The following AGPAT3 variants were observed in gnomAD, a reference collection of about 807,000 sequenced individuals.
AGPAT3 encodes the protein 1-acyl-sn-glycerol-3-phosphate acyltransferase gamma.
Under a neutral mutation model 47.3 loss-of-function variants are expected in AGPAT3, and 5 were observed. The ratio of observed to expected loss-of-function variants is 0.11; its 90% CI spans 0.06 to 0.22. The LOEUF is 0.22. Ranked by LOEUF, AGPAT3 falls within the 10% of genes least tolerant of loss-of-function variation. The pLI is 1.00. For missense variants in AGPAT3, 315 were observed against 493.0 expected (o/e 0.64, Z 3.42); for synonymous variants, 212 against 208.3 (o/e 1.02, Z -0.15).
chr21:43,910,174 G>A (rs998914538), intron 2 of AGPAT3, among the ~76,000 whole-genome samples: 6 of 152,212 alleles, frequency 3.9e-5, no homozygotes, highest in Admixed American at 3.9e-4. Context: ...GGATGGAGAC[G>A]GCCTCCCTCT....
chr21:43,940,614 T>C (rs2087620480), intron 2 of AGPAT3, among the ~76,000 whole-genome samples: 1 of 152,244 alleles, frequency 6.6e-6, no homozygotes, highest in Admixed American at 6.5e-5. Context: ...TGTTTGTAGA[T>C]GCCTGGCATG....
chr21:43,895,173 C>T (rs1188238978), intron 1 of AGPAT3, among the ~76,000 whole-genome samples: 18 of 150,232 alleles, frequency 1.2e-4, no homozygotes, highest in African/African-American at 3.7e-4. Flanking sequence ...GGTGCGATCT[C>T]GGCTCACTGC....
rs754990800 is a variant in AGPAT3, at chr21:43,922,385, G to A, written c.-49+18366G>A. On this transcript the variant is annotated intron_variant, in intron 2 of 9. Transcript: ENST00000291572. This position sits in a 1 kb window ranked among gnomAD's most constrained non-coding sequence, Gnocchi z 4.9. ...CAGGACGCTGGGCCGAGCCAGGCAG[G>A]GACCTGCTTCAGTCCTCGAAGGAGG... 5.9e-5 allele frequency among the ~76,000 whole-genome samples: 9 copies of A among 152,180 alleles called. No homozygotes were observed. Among genetic ancestry groups the A allele is most frequent in the Non-Finnish European group, 1.2e-4 (8 of 68,034 alleles).
At chr21:43,957,692 G>A (rs1255783262) in intron 2 of AGPAT3, among the ~76,000 whole-genome samples, 1 of 147,312 alleles carries the variant, frequency 6.8e-6, no homozygotes, top group African/African-American at 2.5e-5. Context: ...CCACAGGGGG[G>A]TCTCGGGTTT....
chr21:43,979,230 G>A (rs1339798614), intron 8 of AGPAT3, among the ~76,000 whole-genome samples: 1 of 151,162 alleles, frequency 6.6e-6, no homozygotes, highest in Non-Finnish European at 1.5e-5. Flanking sequence ...AACCCAGGAG[G>A]TGGGGGTTGC....
chr21:43,893,107 A>G (rs1247484270), intron 1 of AGPAT3, among the ~76,000 whole-genome samples: 1 of 152,192 alleles, frequency 6.6e-6, no homozygotes, highest in Non-Finnish European at 1.5e-5. Flanking sequence ...AAAGAAAAAG[A>G]AAATCTATTG....
At chr21:43,910,239 G>T (rs916756687) in intron 2 of AGPAT3, among the ~76,000 whole-genome samples, 1 of 152,214 alleles carries the variant, frequency 6.6e-6, no homozygotes, top group African/African-American at 2.4e-5. Flanking sequence ...GCAGCCAAAG[G>T]TTTGTGCCAG....
At chr21:43,942,608 G>C (rs2838445) in intron 2 of AGPAT3, among the ~76,000 whole-genome samples, 65,830 of 152,150 alleles carry the variant, frequency 0.43, 14,506 homozygotes, top group East Asian at 0.6. Context: ...GAAAAGAGCA[G>C]CTTCTCGTTC....
Position 43,985,425 on chromosome 21 carries a change from G to C in AGPAT3, c.*3033G>C, listed in dbSNP as rs561265808. ...AAAAAAAAAAAAAGCACGTCCTGTCGATGAATTTTGAGTCTCTCTGCCTTG... is the reference window on the plus strand; with the variant it reads ...AAAAAAAAAAAAAGCACGTCCTGTCCATGAATTTTGAGTCTCTCTGCCTTG... On this transcript the variant is annotated 3_prime_UTR_variant, in exon 10 of 10. Transcript: ENST00000291572. 3.0e-6 allele frequency: 1 copy of C among 332,956 alleles called. No homozygotes were observed. The highest frequency in any genetic ancestry group is 2.2e-5 in the African/African-American group (1 of 45,712). The allele number at this position is 332,956 out of a possible 1,614,324, so 20.6% of individuals were successfully genotyped here.
chr21:43,897,006 G>C (rs1184750968), intron 1 of AGPAT3, among the ~76,000 whole-genome samples: 1 of 147,594 alleles, frequency 6.8e-6, no homozygotes, highest in African/African-American at 2.5e-5. Context: ...TTCTTGGAGA[G>C]GGGGATGTGG....
At chr21:43,977,110 G>C (rs974872207) in intron 7 of AGPAT3, among the ~76,000 whole-genome samples, 1 of 152,122 alleles carries the variant, frequency 6.6e-6, no homozygotes, top group Non-Finnish European at 1.5e-5. Context: ...TAATTACCCT[G>C]CTTATCTTAC....
intron 2 of AGPAT3, among the ~76,000 whole-genome samples, chr21:43,917,521 T>A (rs1314911665): frequency 6.6e-6 from 1 of 152,234 alleles, no homozygotes; most frequent in Non-Finnish European, 1.5e-5. Context: ...TTTAGTCGCT[T>A]GCTGCTGGCA....
rs1474087103 is a variant in AGPAT3 at position 43,936,373 on chromosome 21, A to G, written c.-48-23261A>G. On this transcript the variant is annotated intron_variant, in intron 2 of 9. Coordinates refer to ENST00000291572, the MANE Select transcript of AGPAT3 (RefSeq NM_020132.5). ...TGGACTTTTCTGTGGGTGCACCTGC[A>G]GCGTTCGTCTGTCTGAGAGCAGACT... Among the ~76,000 whole-genome samples, 3 of 152,356 alleles carry G rather than the reference A, an allele frequency of 2.0e-5. No homozygotes were observed. The East Asian group carries it at 5.8e-4, about 29-fold the overall frequency.
chr21:43,953,408 A>G lies in AGPAT3; in HGVS notation c.-48-6226A>G, dbSNP rs539226888. Among the ~76,000 whole-genome samples the G allele has an allele frequency of 9.8e-5, 15 of 152,352 alleles. 2 individuals carry two copies. Among genetic ancestry groups the G allele is most frequent in the African/African-American group, 3.6e-4 (15 of 41,588 alleles). On this transcript the variant is annotated intron_variant, in intron 2 of 9. Coordinates refer to ENST00000291572, the MANE Select transcript of AGPAT3 (RefSeq NM_020132.5). ...CCTGATTCGTAGGAGATGTGGACGG[A>G]CATGGAGGGAGTGCCGTGACGTAGC...
At chr21:43,972,858 TGC>T (rs1293447875) in intron 7 of AGPAT3, among the ~76,000 whole-genome samples, 1 of 152,224 alleles carries the variant, frequency 6.6e-6, no homozygotes, top group East Asian at 1.9e-4. Flanking sequence ...TTCAAGTGTG[TGC>T]GGAAAGGCAG....
chr21:43,958,631 T>C (rs1389232726), intron 2 of AGPAT3, among the ~76,000 whole-genome samples: 1 of 143,102 alleles, frequency 7.0e-6, no homozygotes, highest in Admixed American at 6.9e-5. Context: ...ATGTGGCGTG[T>C]ATGTGGTTTG....
At chr21:43,893,805 A>G (rs530076504) in intron 1 of AGPAT3, among the ~76,000 whole-genome samples, 19 of 152,284 alleles carry the variant, frequency 1.2e-4, no homozygotes, top group African/African-American at 4.3e-4. Context: ...TCCTCCTCTG[A>G]TGGGGGCCCG....
intron 8 of AGPAT3, among the ~76,000 whole-genome samples, chr21:43,978,673 G>A (rs1369828818): frequency 6.6e-6 from 1 of 152,184 alleles, no homozygotes; most frequent in Non-Finnish European, 1.5e-5. Flanking sequence ...CATGATGCCT[G>A]TATAATTATG....
chr21:43,865,279 G>C lies in AGPAT3; in HGVS notation c.-178G>C, dbSNP rs1254130755. 1 of 147,094 alleles carries C rather than the reference G, an allele frequency of 6.8e-6. No individual in the cohort carries two copies. The highest frequency in any genetic ancestry group is 1.5e-5 in the Non-Finnish European group (1 of 65,882). The allele number at this position is 147,094 out of a possible 1,614,324, so 9.1% of individuals were successfully genotyped here. On this transcript the variant is annotated 5_prime_UTR_variant, in exon 1 of 10. Transcript: ENST00000291572. ...GGGCCCAGGGCCGAGGAGCGCGGCGGCCAGAGCGGGGCCGCGGAGGCGACG... is the reference window on the plus strand; with the variant it reads ...GGGCCCAGGGCCGAGGAGCGCGGCGCCCAGAGCGGGGCCGCGGAGGCGACG...
Sources: allele counts gnomAD v4.1 joint callset (sites outside exome capture counted in the v4.1 genomes callset), GRCh38; gene constraint gnomAD v4.1.1; non-coding constraint Gnocchi (gnomAD v3.1); transcripts MANE v1.5; gene names NCBI Gene and HGNC (gene_info 2026-07-23, HGNC 2026-07-21).